Variants in ULK1 observed in about 807,000 individuals in gnomAD.
ULK1 encodes the protein serine/threonine-protein kinase ULK1.
Under a neutral mutation model 117.5 loss-of-function variants are expected in ULK1, and 48 were observed. That is an observed-to-expected ratio of 0.41 (90% CI 0.32 to 0.52). The LOEUF (loss-of-function observed/expected upper bound fraction) is 0.52, where lower values mean the gene tolerates loss of function less well. Ranked by LOEUF, ULK1 falls within the 20% of genes least tolerant of loss-of-function variation. The pLI, the probability that ULK1 is intolerant of heterozygous loss-of-function variation, is 0.29. For missense variants in ULK1, 1,387 were observed against 1,473.4 expected, an observed-to-expected ratio of 0.94 and a Z score of 0.96; for synonymous variants, 790 against 637.8, an observed-to-expected ratio of 1.24 and a Z score of -3.60.
chr12:131,915,881 C>T lies in ULK1; in HGVS notation c.1610-10C>T. On this transcript the variant is annotated splice_polypyrimidine_tract_variant and intron_variant, in intron 18 of 27. Transcript: ENST00000321867. ...ACCGGAAGGTCGTGACGAGGCGTGTCTCTCTCTAGGCTCCTCTGCACCCGA... is the reference window on the plus strand; with the variant it reads ...ACCGGAAGGTCGTGACGAGGCGTGTTTCTCTCTAGGCTCCTCTGCACCCGA... 2.5e-6 allele frequency: 4 copies of T among 1,608,446 alleles called. No individual in the cohort carries two copies. The highest frequency in any genetic ancestry group is 1.7e-4 in the Middle Eastern group (1 of 6,040).
At chr12:131,910,179 C>T in intron 10 of ULK1, 75 bp from the exon 11 acceptor site, 1 of 1,599,090 alleles carries the variant, frequency 6.3e-7, no homozygotes, top group Non-Finnish European at 8.6e-7. Context: ...GGCTGGAGCT[C>T]AGGCCGTGGG....
In ULK1 at chr12:131,895,800, C is replaced by T. The variant is rs767364658; in HGVS notation, c.222C>T (p.Asn74=). The T allele has an allele frequency of 9.4e-5, 151 of 1,614,050 alleles. 2 individuals carry two copies. The South Asian group carries it at 1.5e-3, about 16-fold the overall frequency. Reference sequence around the variant, plus strand: ...TGTCCTAGGAACTGAAACATGAAAACATCGTGGCCCTGTACGACTTCCAGG... The same window carrying T: ...TGTCCTAGGAACTGAAACATGAAAATATCGTGGCCCTGTACGACTTCCAGG... ...IKILKELKHE[N]IVALYDFQEM... The change falls in exon 3 of 28, where the codon AAC becomes AAT. Residue 74 remains asparagine (N), a synonymous_variant. Transcript: ENST00000321867.
At position 131,912,473 on chromosome 12, in the gene ULK1, C is replaced by T. The variant is rs1889582675; in HGVS notation, c.1096+384C>T. 2.0e-5 allele frequency among the ~76,000 whole-genome samples: 3 copies of T among 152,334 alleles called. No homozygotes were observed. The South Asian group carries it at 6.2e-4, about 32-fold the overall frequency. On this transcript the variant is annotated intron_variant, in intron 13 of 27. Transcript: ENST00000321867. ...TTTATTCCTTGGCTTTTGGGGAACCCCCCGCTCCATAATGGCCAGGGGCTG... is the reference window on the plus strand; with the variant it reads ...TTTATTCCTTGGCTTTTGGGGAACCTCCCGCTCCATAATGGCCAGGGGCTG...
rs1302717252 is a variant in ULK1, at chr12:131,903,284, G to A, written c.247-3608G>A. ...ACTCTGCCAGGGTTGGAGACAGCAAGGCTAGGTCCTTCCGGGGACACAGAG... is the reference window on the plus strand; with the variant it reads ...ACTCTGCCAGGGTTGGAGACAGCAAAGCTAGGTCCTTCCGGGGACACAGAG... On this transcript the variant is annotated intron_variant, in intron 3 of 27. Coordinates refer to ENST00000321867, the MANE Select transcript of ULK1 (RefSeq NM_003565.4). The surrounding 1 kb of genome is among the most constrained non-coding windows in gnomAD (Gnocchi z 6.0). 1.3e-5 allele frequency among the ~76,000 whole-genome samples: 2 copies of A among 152,202 alleles called. No individual in the cohort carries two copies. Among genetic ancestry groups the A allele is most frequent in the Admixed American group, 6.5e-5 (1 of 15,290 alleles).
chr12:131,915,555 C>T, intron 18 of ULK1, 134 bp downstream of exon 18: 2 of 1,113,284 alleles, frequency 1.8e-6, no homozygotes, highest in South Asian at 1.6e-5. Context: ...AAGCCAACTG[C>T]CTCTCCACCT....
chr12:131,910,131 G>A, intron 10 of ULK1, 123 bp from the exon 11 acceptor site: 1 of 1,565,916 alleles, frequency 6.4e-7, no homozygotes, highest in Non-Finnish European at 8.8e-7. Flanking sequence ...CCAAGCGCAG[G>A]CAGGGGCTCC....
At chr12:131,915,284 G>C (rs779003522) in intron 17 of ULK1, 51 bp from the exon 18 acceptor site, 2 of 1,609,934 alleles carry the variant, frequency 1.2e-6, no homozygotes, top group South Asian at 2.2e-5. Flanking sequence ...AGTGGGTGAG[G>C]AGGCTGTCTC....
intron 1 of ULK1, 37 bp from the exon 2 acceptor site, chr12:131,895,564 G>A: frequency 6.3e-7 from 1 of 1,588,872 alleles, no homozygotes; most frequent in Non-Finnish European, 8.6e-7. Context: ...CCTGCGAGGG[G>A]CAGCCCTGGC....
chr12:131,900,241 A>G (rs1280133432), intron 3 of ULK1, among the ~76,000 whole-genome samples: 1 of 151,782 alleles, frequency 6.6e-6, no homozygotes, highest in East Asian at 1.9e-4. Flanking sequence ...GGTGTCCTTT[A>G]TATATGAAGC....
At position 131,922,758 on chromosome 12, in the gene ULK1, T is replaced by C. The variant is rs1016110640; in HGVS notation, c.*1397T>C. ...CATAACAGACAAAAATACACACACG[T>C]GTGTTTTTCTTTGCAATACTTGAAA... On this transcript the variant is annotated 3_prime_UTR_variant, in exon 28 of 28. Coordinates refer to ENST00000321867, the MANE Select transcript of ULK1 (RefSeq NM_003565.4). The C allele has an allele frequency of 1.3e-5, 2 of 152,490 alleles. No homozygotes were observed. The highest frequency in any genetic ancestry group is 2.9e-5 in the Non-Finnish European group (2 of 68,054). 9.4% of individuals were successfully genotyped at this position (152,490 alleles called of 1,614,324 possible).
chr12:131,912,172 A>G, intron 13 of ULK1, 83 bp downstream of exon 13: 1 of 1,511,572 alleles, frequency 6.6e-7, no homozygotes, highest in South Asian at 1.2e-5. Flanking sequence ...CACAGTGTGT[A>G]ACACATTTCC....
In ULK1 at chr12:131,920,050, C is replaced by T. The variant is rs539394088; in HGVS notation, c.2875C>T (p.Arg959Cys). ...SCQGLSLRLQ[R>C]FFLDKQRLLD... is the part of the protein sequence containing the mutation. ...CCAGGGCCTGAGCCTGCGGCTGCAG[C>T]GCTTCTTCCTGGACAAGCAGCGGCT... The change falls in exon 26 of 28, where the codon CGC becomes TGC. Residue 959 changes from arginine (R) to cysteine (C), a missense_variant. Physicochemically the swap from Arg to Cys is radical, Grantham distance 180. Transcript: ENST00000321867. 6.3e-5 allele frequency: 101 copies of T among 1,612,712 alleles called. No homozygotes were observed. The highest frequency in any genetic ancestry group is 8.1e-5 in the Non-Finnish European group (95 of 1,179,974).
chr12:131,908,959 C>T lies in ULK1; in HGVS notation c.552C>T (p.Ser184=). Reference sequence around the variant, plus strand: ...TGATGGCGGCCACACTCTGCGGCTCCCCCATGTACATGGTGTGTTTACCTT... The same window carrying T: ...TGATGGCGGCCACACTCTGCGGCTCTCCCATGTACATGGTGTGTTTACCTT... ...SNMMAATLCG[S]PMYMAPEVIM... is the part of the protein sequence containing the mutation. The change falls in exon 7 of 28, where the codon TCC becomes TCT. Residue 184 remains serine, a synonymous_variant. Coordinates refer to ENST00000321867, the MANE Select transcript of ULK1 (RefSeq NM_003565.4). 1.2e-6 allele frequency: 2 copies of T among 1,612,796 alleles called. No homozygotes were observed. Among genetic ancestry groups the T allele is most frequent in the Non-Finnish European group, 1.7e-6 (2 of 1,179,872 alleles).
intron 3 of ULK1, among the ~76,000 whole-genome samples, chr12:131,900,936 G>C (rs951740560): frequency 2.6e-5 from 4 of 152,214 alleles, no homozygotes; most frequent in Non-Finnish European, 5.9e-5. Flanking sequence ...GATGCAGGCC[G>C]AGTAGAAACC....
intron 4 of ULK1, 143 bp from the exon 5 acceptor site, chr12:131,907,352 T>C: frequency 4.0e-6 from 4 of 993,504 alleles, no homozygotes; most frequent in Non-Finnish European, 5.9e-6. Context: ...CAGCAGGGAC[T>C]GTGGGGACAC....
Position 131,916,819 on chromosome 12 carries a change from G to C in ULK1, c.2073-134G>C, listed in dbSNP as rs914633062. On this transcript the variant is annotated intron_variant, in intron 20 of 27. Coordinates refer to ENST00000321867, the MANE Select transcript of ULK1 (RefSeq NM_003565.4). ...GCCATGCCCGCCTGTAAGCTGGGGT[G>C]ACAGGAGCGCCTGCCTCTCGAGGTG... 1.4e-5 allele frequency: 14 copies of C among 988,978 alleles called. No homozygotes were observed. The African/African-American group carries it at 1.8e-4, about 13-fold the overall frequency. 61.3% of individuals were successfully genotyped at this position (988,978 alleles called of 1,614,324 possible).
At chr12:131,896,015 G>C (rs1203750940) in intron 3 of ULK1, among the ~76,000 whole-genome samples, 191 bp downstream of exon 3, 2 of 152,204 alleles carry the variant, frequency 1.3e-5, no homozygotes, top group Non-Finnish European at 2.9e-5. Flanking sequence ...TGTGAGACCG[G>C]GGAGGGGGTG....
intron 21 of ULK1, 70 bp from the exon 22 acceptor site, chr12:131,917,341 C>CGGAGGCTGTGGGATGG: frequency 1.1e-6 from 1 of 921,736 alleles, no homozygotes; most frequent in Non-Finnish European, 1.3e-6. Context: ...GGGTCGGGTT[C>CGGAGGCTGTGGGATGG]GGCTCGGAGG....
intron 12 of ULK1, 59 bp from the exon 13 acceptor site, chr12:131,911,883 G>C: frequency 1.2e-6 from 2 of 1,610,422 alleles, no homozygotes; most frequent in South Asian, 2.2e-5. Context: ...GGGGGAATTT[G>C]CTCCCCTGAG....
Sources: gnomAD v4.1 joint callset for allele counts (sites outside exome capture counted in the v4.1 genomes callset) on GRCh38, gnomAD v4.1.1 for gene constraint, Gnocchi (gnomAD v3.1) non-coding constraint, MANE v1.5 for transcripts, NCBI Gene and HGNC (gene_info 2026-07-23, HGNC 2026-07-21) for gene names.